The following ALPK2 variants were observed in gnomAD, a reference collection of about 807,000 sequenced individuals.
ALPK2 encodes the protein alpha kinase 2.
In ALPK2, 127 loss-of-function variants were observed where a neutral mutation model predicts 163.1. That is an observed-to-expected ratio of 0.78 (90% confidence interval 0.67 to 0.90). The LOEUF is 0.90. Ranked by LOEUF, ALPK2 falls within the 40% of genes least tolerant of loss-of-function variation. The pLI is 0.00. For synonymous variants in ALPK2, 953 were observed against 959.1 expected (o/e 0.99, Z 0.12); for missense variants, 2,360 against 2,589.6 (o/e 0.91, Z 1.92).
chr18:58,515,003 C>A lies in ALPK2; in HGVS notation c.6019G>T (p.Glu2007Ter), dbSNP rs1482114339. 1.5e-5 allele frequency: 24 copies of A among 1,612,554 alleles called. No homozygotes were observed. Among genetic ancestry groups the A allele is most frequent in the Non-Finnish European group, 2.0e-5 (23 of 1,179,176 alleles). Residue 2007 changes from glutamate (E) to a stop codon, truncating the protein, a stop_gained, in exon 10 of 13, where the codon GAA becomes TAA. Coordinates refer to ENST00000361673, the MANE Select transcript of ALPK2 (RefSeq NM_052947.4). LOFTEE classifies it high-confidence loss of function. ...AEAQPLEGFG[E>*]VPEIIPIFLI... ...GGTAAACACACTTACTCAGGTACTTCTCCAAAGCCTTCCAGAGGCTGTGCT... is the reference window on the plus strand; with the variant it reads ...GGTAAACACACTTACTCAGGTACTTATCCAAAGCCTTCCAGAGGCTGTGCT...
chr18:58,544,325 A>C (rs923348874), intron 4 of ALPK2: 2 of 152,184 alleles, frequency 1.3e-5, no homozygotes, highest in Non-Finnish European at 2.9e-5. Context: ...CCTCCTAGGA[A>C]TGTCTGCCAT....
intron 4 of ALPK2, among the ~76,000 whole-genome samples, chr18:58,539,677 A>T (rs533962922): frequency 6.6e-6 from 1 of 152,316 alleles, no homozygotes; most frequent in South Asian, 2.1e-4. Flanking sequence ...GGTGGGGATG[A>T]AGTCTGTCTC....
At chr18:58,545,332 G>A (rs1309579493) in intron 4 of ALPK2, 1 of 152,354 alleles carries the variant, frequency 6.6e-6, no homozygotes, top group African/African-American at 2.4e-5. Flanking sequence ...TATGGCTGAG[G>A]GAAGAAGGGG....
intron 4 of ALPK2, chr18:58,566,737 C>G (rs1383580457): frequency 6.6e-6 from 1 of 152,206 alleles, no homozygotes; most frequent in African/African-American, 2.4e-5. Context: ...GTTCCCCAGA[C>G]AGGTGAAGAA....
At chr18:58,515,828 G>A (rs1008991821) in intron 9 of ALPK2, among the ~76,000 whole-genome samples, 3 of 152,166 alleles carry the variant, frequency 2.0e-5, no homozygotes, top group Admixed American at 6.5e-5. Flanking sequence ...TGTTTTAATT[G>A]TTTTAGATGT....
intron 12 of ALPK2, among the ~76,000 whole-genome samples, chr18:58,484,047 G>A (rs1252445829): frequency 6.6e-6 from 1 of 152,162 alleles, no homozygotes; most frequent in African/African-American, 2.4e-5. Flanking sequence ...TGTGATAGCA[G>A]AGGTCACTCT....
chr18:58,528,191 GATTCTC>G (rs2051593559), intron 6 of ALPK2, among the ~76,000 whole-genome samples: 1 of 152,162 alleles, frequency 6.6e-6, no homozygotes, highest in South Asian at 2.1e-4. Flanking sequence ...TCTTGGCAAT[GATTCTC>G]ACGCTCATCT....
At chr18:58,492,621 G>A (rs1391322038) in intron 12 of ALPK2, among the ~76,000 whole-genome samples, 1 of 152,160 alleles carries the variant, frequency 6.6e-6, no homozygotes, top group Non-Finnish European at 1.5e-5. Flanking sequence ...GAATCTACCA[G>A]ACTTCTCTAG....
At chr18:58,587,921 T>G (rs558049793) in intron 3 of ALPK2, among the ~76,000 whole-genome samples, 1 of 152,344 alleles carries the variant, frequency 6.6e-6, no homozygotes, top group African/African-American at 2.4e-5. Flanking sequence ...TAGTTTTCCT[T>G]GAAGTGGCAG....
At chr18:58,607,129 A>C (rs1290214350) in intron 3 of ALPK2, among the ~76,000 whole-genome samples, 193 bp downstream of exon 3, 1 of 152,256 alleles carries the variant, frequency 6.6e-6, no homozygotes, top group Non-Finnish European at 1.5e-5. Context: ...AATTAGGGGA[A>C]TATAATTAGT....
intron 4 of ALPK2, among the ~76,000 whole-genome samples, chr18:58,548,451 G>T (rs1332437944): frequency 6.6e-6 from 1 of 151,906 alleles, no homozygotes; most frequent in Non-Finnish European, 1.5e-5. Context: ...CTCCCAAGTA[G>T]CTGGACTTAC....
intron 10 of ALPK2, among the ~76,000 whole-genome samples, chr18:58,512,752 T>G (rs1177636431): frequency 2.8e-5 from 4 of 142,964 alleles, no homozygotes; most frequent in South Asian, 2.2e-4. Context: ...GTGGTGTGTG[T>G]TGTGTGTATG....
rs1217619545 is a variant in ALPK2 at position 58,592,565 on chromosome 18, T to G, written c.228-12017A>C. Among the ~76,000 whole-genome samples, 3 of 152,112 alleles carry G rather than the reference T, an allele frequency of 2.0e-5. No individual in the cohort carries two copies. The East Asian group carries it at 5.8e-4, about 29-fold the overall frequency. On this transcript the variant is annotated intron_variant, in intron 3 of 12. Coordinates refer to ENST00000361673, the MANE Select transcript of ALPK2 (RefSeq NM_052947.4). Reference sequence around the variant, plus strand: ...GAGCTGATGTGGGATTCGCAGGAGGTAGGGCTGGGGGAGAGGGCCCTGAAG... The same window carrying G: ...GAGCTGATGTGGGATTCGCAGGAGGGAGGGCTGGGGGAGAGGGCCCTGAAG...
chr18:58,529,339 A>G, intron 5 of ALPK2, 101 bp from the exon 6 acceptor site: 1 of 1,244,596 alleles, frequency 8.0e-7, no homozygotes, highest in African/African-American at 1.5e-5. Context: ...ATTAATTATT[A>G]TCCCCAATTA....
chr18:58,526,102 G>A (rs1385505727), intron 6 of ALPK2, among the ~76,000 whole-genome samples: 1 of 152,022 alleles, frequency 6.6e-6, no homozygotes, highest in African/African-American at 2.4e-5. Flanking sequence ...TTAACCAAGA[G>A]GGTAAGTTCA....
At chr18:58,552,622 G>T (rs2051765825) in intron 4 of ALPK2, among the ~76,000 whole-genome samples, 1 of 152,176 alleles carries the variant, frequency 6.6e-6, no homozygotes, top group African/African-American at 2.4e-5. Context: ...TATGTTCCTG[G>T]CCTTGTCCTA....
chr18:58,602,834 G>A (rs976098960), intron 3 of ALPK2, among the ~76,000 whole-genome samples: 9 of 152,106 alleles, frequency 5.9e-5, no homozygotes, highest in Non-Finnish European at 1.2e-4. Flanking sequence ...CGAAGCCCAC[G>A]AAAACCAAGA....
intron 3 of ALPK2, among the ~76,000 whole-genome samples, chr18:58,596,907 AC>A (rs1436218266): frequency 6.6e-6 from 1 of 151,692 alleles, no homozygotes; most frequent in African/African-American, 2.4e-5. Context: ...TGCAGCCTCA[AC>A]CCCCCAGGCC....
At chr18:58,620,373 T>A (rs1386232214) in intron 1 of ALPK2, among the ~76,000 whole-genome samples, 2 of 152,202 alleles carry the variant, frequency 1.3e-5, no homozygotes, top group African/African-American at 4.8e-5. Context: ...GTATGCTCAG[T>A]GAAAGAAGCC....
Sources: allele counts gnomAD v4.1 joint callset (sites outside exome capture counted in the v4.1 genomes callset), GRCh38; gene constraint gnomAD v4.1.1; transcripts MANE v1.5; gene names NCBI Gene and HGNC (gene_info 2026-07-23, HGNC 2026-07-21).